Variants in GATAD2B observed in about 807,000 individuals in gnomAD.
GATAD2B encodes GATA zinc finger domain containing 2B.
Under a neutral mutation model 64.3 loss-of-function variants are expected in GATAD2B, and 8 were observed. The ratio of observed to expected loss-of-function variants is 0.12; its 90% CI spans 0.07 to 0.22. The LOEUF is 0.22. GATAD2B is among the 10% of genes least tolerant of loss of function. The pLI is 1.00. For synonymous variants in GATAD2B, 281 were observed against 271.3 expected, an observed-to-expected ratio of 1.04 and a Z score of -0.35; for missense variants, 453 against 752.0, an observed-to-expected ratio of 0.60 and a Z score of 4.65.
intron 9 of GATAD2B, 38 bp from the exon 10 acceptor site, chr1:153,811,886 T>A: frequency 7.0e-7 from 1 of 1,419,650 alleles, no homozygotes; most frequent in Non-Finnish European, 9.9e-7. Context: ...AACTTTGATA[T>A]GATAGAATGT....
chr1:153,842,746 G>A (rs915995372), intron 1 of GATAD2B, among the ~76,000 whole-genome samples: 15 of 151,650 alleles, frequency 9.9e-5, no homozygotes, highest in African/African-American at 3.2e-4. Context: ...TCCGCCTCCC[G>A]GGTTCAAGCA....
chr1:153,876,290 G>A (rs1676832997), intron 1 of GATAD2B, among the ~76,000 whole-genome samples: 1 of 144,312 alleles, frequency 6.9e-6, no homozygotes, highest in African/African-American at 2.6e-5. Context: ...GGCTGGGCGT[G>A]GTTAAAACAC....
intron 1 of GATAD2B, among the ~76,000 whole-genome samples, chr1:153,862,881 T>TA (rs1676359733): frequency 1.3e-5 from 2 of 151,816 alleles, no homozygotes; most frequent in African/African-American, 4.8e-5. Flanking sequence ...TGCGCCACCA[T>TA]ACCCGGCTAA....
rs1674135645 is a variant in GATAD2B at position 153,807,153 on chromosome 1, CTGCTTTTAG to C, written c.*3015_*3023del. ...GGAGTAAGACACCAACCTTAAAATACTGCTTTTAGTGCCTCTGGGGATGGAGGAAGCCAG... is the reference window on the plus strand; with the variant it reads ...GGAGTAAGACACCAACCTTAAAATACTGCCTCTGGGGATGGAGGAAGCCAG... On this transcript the variant is annotated 3_prime_UTR_variant, in exon 11 of 11. Coordinates refer to ENST00000368655, the MANE Select transcript of GATAD2B (RefSeq NM_020699.4). 1 of 152,206 alleles carries C rather than the reference CTGCTTTTAG, an allele frequency of 6.6e-6. No individual in the cohort carries two copies. Among genetic ancestry groups the C allele is most frequent in the African/African-American group, 2.4e-5 (1 of 41,448 alleles). 9.4% of individuals were successfully genotyped at this position (152,206 alleles called of 1,614,324 possible). A position where few individuals can be genotyped will look rare whatever the true frequency, so the allele number is the denominator to read the frequency against.
At chr1:153,893,251 C>G (rs1196501085) in intron 1 of GATAD2B, among the ~76,000 whole-genome samples, 1 of 152,042 alleles carries the variant, frequency 6.6e-6, no homozygotes, top group South Asian at 2.1e-4. Flanking sequence ...ACTGTTGTTA[C>G]GAGGATTTGG....
chr1:153,904,884 T>G (rs1046459620), intron 1 of GATAD2B, among the ~76,000 whole-genome samples: 1 of 152,144 alleles, frequency 6.6e-6, no homozygotes, highest in Non-Finnish European at 1.5e-5. Context: ...TTTTTCTATT[T>G]TTAGTAGAGA....
At chr1:153,832,012 C>T (rs1348962304) in intron 1 of GATAD2B, among the ~76,000 whole-genome samples, 1 of 152,132 alleles carries the variant, frequency 6.6e-6, no homozygotes, top group Non-Finnish European at 1.5e-5. Flanking sequence ...GTCAGGAGTT[C>T]GAGACCAGCC....
At chr1:153,890,155 A>G (rs1677327253) in intron 1 of GATAD2B, among the ~76,000 whole-genome samples, 1 of 140,878 alleles carries the variant, frequency 7.1e-6, no homozygotes, top group Non-Finnish European at 1.5e-5. Flanking sequence ...CTGGGCAACA[A>G]GAGCGAAACT....
At chr1:153,841,412 T>C (rs1051371354) in intron 1 of GATAD2B, among the ~76,000 whole-genome samples, 2 of 152,182 alleles carry the variant, frequency 1.3e-5, no homozygotes, top group African/African-American at 4.8e-5. Context: ...AGCCCTCGTG[T>C]TAACTGTTTT....
At chr1:153,881,783 G>A (rs921173534) in intron 1 of GATAD2B, among the ~76,000 whole-genome samples, 3 of 72,648 alleles carry the variant, frequency 4.1e-5, no homozygotes, top group Admixed American at 2.4e-4. Context: ...GGTTTTTTTC[G>A]TGTGTGTGTG....
intron 10 of GATAD2B, 83 bp from the exon 11 acceptor site, chr1:153,810,393 T>A (rs1341739969): frequency 7.0e-7 from 1 of 1,421,416 alleles, no homozygotes; most frequent in East Asian, 2.3e-5. Flanking sequence ...GGCTGCAGAG[T>A]TGGAGATGGA....
At chr1:153,836,399 C>T (rs762560716) in intron 1 of GATAD2B, among the ~76,000 whole-genome samples, 1 of 149,910 alleles carries the variant, frequency 6.7e-6, no homozygotes, top group Admixed American at 6.7e-5. Context: ...TACAGGTGTT[C>T]GCCACCATAC....
At chr1:153,865,713 A>G (rs1343805675) in intron 1 of GATAD2B, among the ~76,000 whole-genome samples, 1 of 152,242 alleles carries the variant, frequency 6.6e-6, no homozygotes, top group East Asian at 1.9e-4. Context: ...TAATCAGACT[A>G]AAAATACCAG....
chr1:153,910,142 A>T (rs1034621841), intron 1 of GATAD2B, among the ~76,000 whole-genome samples: 1 of 151,962 alleles, frequency 6.6e-6, no homozygotes, highest in Non-Finnish European at 1.5e-5. Flanking sequence ...ATAATTTTTT[A>T]AAAAGTAATG....
chr1:153,885,318 C>G (rs1437990660), intron 1 of GATAD2B, among the ~76,000 whole-genome samples: 12 of 152,080 alleles, frequency 7.9e-5, no homozygotes, highest in Non-Finnish European at 1.3e-4. Context: ...CATAAAGTCT[C>G]TGACAGACAT....
At chr1:153,877,153 A>C (rs901135962) in intron 1 of GATAD2B, among the ~76,000 whole-genome samples, 1 of 152,138 alleles carries the variant, frequency 6.6e-6, no homozygotes, top group Non-Finnish European at 1.5e-5. Context: ...TGGGAAAAAC[A>C]GTGAGCCTCT....
chr1:153,847,436 G>A (rs1675727146), intron 1 of GATAD2B, among the ~76,000 whole-genome samples: 1 of 152,086 alleles, frequency 6.6e-6, no homozygotes, highest in Admixed American at 6.6e-5. Flanking sequence ...CCAGCCTGAA[G>A]CGCACTGGTA....
intron 1 of GATAD2B, among the ~76,000 whole-genome samples, chr1:153,858,999 C>T (rs1226491291): frequency 1.3e-5 from 2 of 152,078 alleles, no homozygotes; most frequent in Non-Finnish European, 2.9e-5. Context: ...AAGGATGTTG[C>T]TTGAGACAGG....
chr1:153,807,697 C>G lies in GATAD2B; in HGVS notation c.*2480G>C, dbSNP rs934095195. 4.6e-5 allele frequency: 7 copies of G among 153,012 alleles called. No individual in the cohort carries two copies. Among genetic ancestry groups the G allele is most frequent in the Non-Finnish European group, 1.0e-4 (7 of 68,346 alleles). The allele number at this position is 153,012 out of a possible 1,614,324, so 9.5% of individuals were successfully genotyped here. ...ACTCTATACATCTTACTTCCAAACC[C>G]CATTCTAAGGTGGCCTGGCTCCCAG... On this transcript the variant is annotated 3_prime_UTR_variant, in exon 11 of 11. Coordinates refer to ENST00000368655, the MANE Select transcript of GATAD2B (RefSeq NM_020699.4).
Sources: allele counts gnomAD v4.1 joint callset (sites outside exome capture counted in the v4.1 genomes callset), GRCh38; gene constraint gnomAD v4.1.1; transcripts MANE v1.5; gene names NCBI Gene and HGNC (gene_info 2026-07-23, HGNC 2026-07-21).